RANBP2: variants seen among roughly 807,000 people sequenced by gnomAD.
The protein encoded by RANBP2 is RAN binding protein 2, also known as E3 SUMO-protein ligase RanBP2.
In RANBP2, 57 loss-of-function variants were observed where a neutral mutation model predicts 303.6. The observed-to-expected ratio is 0.19, with a 90% CI of 0.15 to 0.23. RANBP2 has a LOEUF of 0.23. RANBP2 is among the 10% of genes least tolerant of loss of function. The pLI is 1.00. For missense variants in RANBP2, 3,138 were observed against 3,780.8 expected, an observed-to-expected ratio of 0.83 and a Z score of 4.46; for synonymous variants, 1,167 against 1,301.5, an observed-to-expected ratio of 0.90 and a Z score of 2.23.
chr2:109,081,469 G>A, the RANBP2 span, among the ~76,000 whole-genome samples: 1 of 152,142 alleles, frequency 6.6e-6, no homozygotes, highest in South Asian at 2.1e-4. Context: ...CCGCGTCTGT[G>A]GCTGACTCAA....
At chr2:109,517,647 G>A in the RANBP2 span, among the ~76,000 whole-genome samples, 2 of 152,182 alleles carry the variant, frequency 1.3e-5, no homozygotes, top group African/African-American at 4.8e-5. Context: ...CAGACCCCAC[G>A]GCTGTCTGCC....
the RANBP2 span, among the ~76,000 whole-genome samples, chr2:109,297,427 G>A: frequency 6.6e-6 from 1 of 152,122 alleles, no homozygotes; most frequent in Non-Finnish European, 1.5e-5. Context: ...AGAGGCCTGT[G>A]TACCCACCCT....
chr2:108,817,443 C>T, the RANBP2 span, among the ~76,000 whole-genome samples: 1 of 152,040 alleles, frequency 6.6e-6, no homozygotes, highest in African/African-American at 2.4e-5. Context: ...CAGGTGTGTG[C>T]CACCACGCCC....
chr2:109,607,590 A>G, the RANBP2 span, among the ~76,000 whole-genome samples: 10 of 152,186 alleles, frequency 6.6e-5, no homozygotes, highest in Non-Finnish European at 1.2e-4. Flanking sequence ...GGAGAACTTA[A>G]TTACCTGGGC....
At chr2:109,416,811 C>T in the RANBP2 span, among the ~76,000 whole-genome samples, 1 of 150,020 alleles carries the variant, frequency 6.7e-6, no homozygotes, top group South Asian at 2.1e-4. Flanking sequence ...GAGGCTAAGT[C>T]GGGAGAATCG....
chr2:109,713,873 A>T, the RANBP2 span, among the ~76,000 whole-genome samples: 1 of 152,188 alleles, frequency 6.6e-6, no homozygotes, highest in African/African-American at 2.4e-5. Flanking sequence ...TCAACACAAT[A>T]CTTCCAACAC....
chr2:109,329,263 G>A, the RANBP2 span, among the ~76,000 whole-genome samples: 1 of 152,068 alleles, frequency 6.6e-6, no homozygotes, highest in African/African-American at 2.4e-5. Flanking sequence ...CTGGTTGATT[G>A]CTTCTAAATC....
chr2:109,623,473 C>T, the RANBP2 span, among the ~76,000 whole-genome samples: 46 of 152,302 alleles, frequency 3.0e-4, no homozygotes, highest in South Asian at 1.7e-3. Flanking sequence ...TGGCCTCCTG[C>T]GGTCCGGACT....
the RANBP2 span, among the ~76,000 whole-genome samples, chr2:109,495,574 C>T: frequency 6.8e-5 from 10 of 147,874 alleles, no homozygotes; most frequent in Non-Finnish European, 1.3e-4. Context: ...CTGCAACCTC[C>T]GCCTCCCAGA....
the RANBP2 span, among the ~76,000 whole-genome samples, chr2:109,697,625 T>C: frequency 6.6e-6 from 1 of 152,186 alleles, no homozygotes; most frequent in Non-Finnish European, 1.5e-5. Flanking sequence ...TTAAGTATCT[T>C]TTTTGTAACT....
chr2:109,679,272 G>A, the RANBP2 span, among the ~76,000 whole-genome samples: 1 of 152,214 alleles, frequency 6.6e-6, no homozygotes, highest in Non-Finnish European at 1.5e-5. Context: ...GGAACTGCAT[G>A]TCAGGCAACT....
downstream of RANBP2, chr2:108,786,878 A>G (rs1221433830): frequency 3.2e-6 from 5 of 1,574,440 alleles, no homozygotes; most frequent in Non-Finnish European, 4.3e-6. Flanking sequence ...GAGAGTCTCA[A>G]AAGCCGCTAC....
At chr2:108,727,715 G>C (rs1173326660) in intron 1 of RANBP2, among the ~76,000 whole-genome samples, 1 of 147,662 alleles carries the variant, frequency 6.8e-6, no homozygotes, top group Non-Finnish European at 1.5e-5. Flanking sequence ...GCGATTCTTT[G>C]CCTCAGCCTC....
the RANBP2 span, chr2:108,895,831 A>C: frequency 6.6e-6 from 1 of 152,282 alleles, no homozygotes; most frequent in African/African-American, 2.4e-5. Context: ...TGACTGGCTC[A>C]GAAGGCTGAG....
chr2:108,868,828 G>A, the RANBP2 span, among the ~76,000 whole-genome samples: 1 of 152,072 alleles, frequency 6.6e-6, no homozygotes, highest in African/African-American at 2.4e-5. Flanking sequence ...TTTTTGGGCA[G>A]AAACAAAGAA....
chr2:109,215,059 T>C, the RANBP2 span, among the ~76,000 whole-genome samples: 1 of 152,146 alleles, frequency 6.6e-6, no homozygotes, highest in Non-Finnish European at 1.5e-5. Context: ...AAGCTGTCCA[T>C]GGAAAAAATG....
chr2:109,151,210 A>G, the RANBP2 span, among the ~76,000 whole-genome samples: 1 of 152,326 alleles, frequency 6.6e-6, no homozygotes, highest in South Asian at 2.1e-4. Flanking sequence ...GTGGCCCAGG[A>G]CACTGAGGTA....
At chr2:108,895,746 G>A in the RANBP2 span, 2 of 152,198 alleles carry the variant, frequency 1.3e-5, no homozygotes, top group African/African-American at 4.8e-5. Context: ...CAAGGCCCAA[G>A]GTGGCACAAC....
At chr2:109,680,020 G>A in the RANBP2 span, among the ~76,000 whole-genome samples, 2 of 151,780 alleles carry the variant, frequency 1.3e-5, no homozygotes, top group African/African-American at 2.4e-5. Context: ...TTAAAGCTGG[G>A]TAACCTAGAG....
Sources: gnomAD v4.1 joint callset for allele counts (sites outside exome capture counted in the v4.1 genomes callset) on GRCh38, gnomAD v4.1.1 for gene constraint, MANE v1.5 for transcripts, NCBI Gene and HGNC (gene_info 2026-07-23, HGNC 2026-07-21) for gene names.